Variants in GALNT13 observed in about 807,000 individuals in gnomAD.
GALNT13 encodes the protein UDP-GalNAc:polypeptide N-acetylgalactosaminyltransferase 13.
GALNT13 carries 28 observed loss-of-function variants against 64.2 expected under a neutral mutation model. The observed-to-expected ratio is 0.44, with a 90% CI of 0.32 to 0.60. The LOEUF is 0.60. GALNT13 is among the 20% of genes least tolerant of loss of function. The pLI is 0.05. For synonymous variants in GALNT13, 214 were observed against 224.6 expected, an observed-to-expected ratio of 0.95 and a Z score of 0.42; for missense variants, 577 against 669.8, an observed-to-expected ratio of 0.86 and a Z score of 1.53.
chr2:153,331,228 GT>G, the GALNT13 span, among the ~76,000 whole-genome samples: 4 of 147,634 alleles, frequency 2.7e-5, no homozygotes, highest in South Asian at 2.2e-4. Context: ...ATTGGCCTAT[GT>G]TTTTTTTTTT....
Position 154,220,461 on chromosome 2 carries a change from T to G in GALNT13, c.312-21569T>G, listed in dbSNP as rs79904918. Among the ~76,000 whole-genome samples, 1,025 of 152,202 alleles carry G rather than the reference T, an allele frequency of 6.7e-3. 9 individuals are homozygous for G. Among genetic ancestry groups the G allele is most frequent in the African/African-American group, 0.024 (991 of 41,560 alleles). On this transcript the variant is annotated intron_variant, in intron 4 of 12. Transcript: ENST00000392825. Reference sequence around the variant, plus strand: ...CATTCTCAGCAATTCTAAAGTCATGTTCTACTAGGTCTTAAGCTCTTAAAT... The same window carrying G: ...CATTCTCAGCAATTCTAAAGTCATGGTCTACTAGGTCTTAAGCTCTTAAAT...
At chr2:154,355,438 G>A (rs1403340485) in intron 9 of GALNT13, among the ~76,000 whole-genome samples, 2 of 152,038 alleles carry the variant, frequency 1.3e-5, no homozygotes, top group African/African-American at 4.8e-5. Flanking sequence ...AGTTCACGAA[G>A]CGCATCAGCA....
chr2:154,140,598 A>G (rs535611744), intron 4 of GALNT13, 93 bp downstream of exon 4: 1 of 886,074 alleles, frequency 1.1e-6, no homozygotes, highest in Admixed American at 2.5e-5. Flanking sequence ...TATCAATTCT[A>G]GCAATGTGTG....
chr2:153,968,066 C>A (rs1693493938), intron 3 of GALNT13, among the ~76,000 whole-genome samples: 1 of 152,122 alleles, frequency 6.6e-6, no homozygotes, highest in African/African-American at 2.4e-5. Flanking sequence ...ATGACACGGG[C>A]ACTCACTTGG....
At chr2:153,988,036 A>G (rs979923116) in intron 3 of GALNT13, among the ~76,000 whole-genome samples, 5 of 150,338 alleles carry the variant, frequency 3.3e-5, no homozygotes, top group African/African-American at 1.2e-4. Flanking sequence ...ATAATTGTAT[A>G]CATTTGAGGG....
the GALNT13 span, among the ~76,000 whole-genome samples, chr2:153,100,236 C>A: frequency 3.3e-5 from 5 of 152,146 alleles, no homozygotes; most frequent in African/African-American, 1.2e-4. Context: ...CTCTAACTGC[C>A]ATCTCCACAA....
the GALNT13 span, among the ~76,000 whole-genome samples, chr2:153,817,824 T>C: frequency 6.6e-6 from 1 of 152,208 alleles, no homozygotes; most frequent in Non-Finnish European, 1.5e-5. Context: ...CCCAAATTTA[T>C]ACCAACTGAT....
the GALNT13 span, among the ~76,000 whole-genome samples, chr2:153,763,821 G>A: frequency 1.3e-5 from 2 of 152,274 alleles, no homozygotes; most frequent in South Asian, 2.1e-4. Flanking sequence ...ATGTGGGAAA[G>A]TTTAGAGCTT....
chr2:153,096,245 T>G, the GALNT13 span, among the ~76,000 whole-genome samples: 1 of 150,600 alleles, frequency 6.6e-6, no homozygotes, highest in Non-Finnish European at 1.5e-5. Flanking sequence ...TTTTAGTTTG[T>G]TTTTTTTTGG....
chr2:154,001,093 A>G (rs1182491886), intron 3 of GALNT13, among the ~76,000 whole-genome samples: 1 of 151,912 alleles, frequency 6.6e-6, no homozygotes, highest in African/African-American at 2.4e-5. Flanking sequence ...TATCTGAAAC[A>G]CATATAGCTA....
chr2:153,359,024 A>C, the GALNT13 span, among the ~76,000 whole-genome samples: 2 of 152,216 alleles, frequency 1.3e-5, no homozygotes, highest in Non-Finnish European at 2.9e-5. Context: ...AATTTCACTG[A>C]AGATTGTTTT....
chr2:154,290,537 G>A (rs1692546718), intron 8 of GALNT13, among the ~76,000 whole-genome samples: 1 of 152,172 alleles, frequency 6.6e-6, no homozygotes, highest in Admixed American at 6.5e-5. Flanking sequence ...TATTGGCTAT[G>A]TAGGTTCCCA....
chr2:153,562,494 C>A, the GALNT13 span, among the ~76,000 whole-genome samples: 1 of 152,070 alleles, frequency 6.6e-6, no homozygotes, highest in Non-Finnish European at 1.5e-5. Context: ...TGTCAAAAAA[C>A]ACCATGTGTA....
the GALNT13 span, among the ~76,000 whole-genome samples, chr2:153,774,196 A>G: frequency 3.9e-5 from 6 of 152,148 alleles, no homozygotes; most frequent in Non-Finnish European, 8.8e-5. Flanking sequence ...AAAGTAATCA[A>G]TAAATGTAAT....
chr2:153,378,301 TAGATAGATAA>T, the GALNT13 span, among the ~76,000 whole-genome samples: 709 of 146,468 alleles, frequency 4.8e-3, 4 homozygotes, highest in African/African-American at 0.016. Flanking sequence ...GATAGATAGA[TAGATAGATAA>T]TTTTTTTTTT....
the GALNT13 span, among the ~76,000 whole-genome samples, chr2:153,791,168 T>C: frequency 6.6e-6 from 1 of 152,024 alleles, no homozygotes; most frequent in African/African-American, 2.4e-5. Flanking sequence ...TTAAACAAAT[T>C]TGCAAGAAAA....
chr2:154,297,535 C>T (rs1692997159), intron 8 of GALNT13, among the ~76,000 whole-genome samples: 1 of 152,134 alleles, frequency 6.6e-6, no homozygotes, highest in Non-Finnish European at 1.5e-5. Flanking sequence ...AAAAGATAGT[C>T]ATCTACAAGT....
chr2:153,910,581 A>G (rs1392945505), intron 2 of GALNT13, among the ~76,000 whole-genome samples: 1 of 152,000 alleles, frequency 6.6e-6, no homozygotes. Flanking sequence ...TTGTGCTTCA[A>G]ATTTTCATCT....
At chr2:153,891,386 T>C (rs1410210821) in intron 1 of GALNT13, among the ~76,000 whole-genome samples, 1 of 152,002 alleles carries the variant, frequency 6.6e-6, no homozygotes, top group Non-Finnish European at 1.5e-5. Context: ...CAAATTCCAC[T>C]GTTAGCTAGT....
Sources: allele counts gnomAD v4.1 joint callset (sites outside exome capture counted in the v4.1 genomes callset), GRCh38; gene constraint gnomAD v4.1.1; transcripts MANE v1.5; gene names NCBI Gene and HGNC (gene_info 2026-07-23, HGNC 2026-07-21).